Variants in GALNT2 observed in about 807,000 individuals in gnomAD.
GALNT2 encodes the protein polypeptide N-acetylgalactosaminyltransferase 2.
GALNT2 carries 31 observed loss-of-function variants against 81.4 expected under a neutral mutation model. That is an observed-to-expected ratio of 0.38 (90% confidence interval 0.29 to 0.51). GALNT2 has a LOEUF of 0.51. GALNT2 is among the 20% of genes least tolerant of loss of function. The probability of loss-of-function intolerance (pLI) is 0.87; values close to 1 mark genes in which losing one functional copy is unlikely to be tolerated. For missense variants in GALNT2, 629 were observed against 765.7 expected (o/e 0.82, Z 2.11); for synonymous variants, 303 against 287.4 (o/e 1.05, Z -0.55).
intron 6 of GALNT2, among the ~76,000 whole-genome samples, chr1:230,242,877 C>T (rs1445304280): frequency 6.6e-6 from 1 of 152,178 alleles, no homozygotes; most frequent in Non-Finnish European, 1.5e-5. Context: ...CAGAGATAGT[C>T]ACAACACTGT....
intron 8 of GALNT2, among the ~76,000 whole-genome samples, chr1:230,247,643 G>A (rs1297496341): frequency 1.3e-5 from 2 of 152,156 alleles, no homozygotes; most frequent in Non-Finnish European, 2.9e-5. Context: ...GATCTACCAG[G>A]CTCTATTTCT....
intron 1 of GALNT2, among the ~76,000 whole-genome samples, chr1:230,073,901 T>C (rs1300716154): frequency 6.6e-6 from 1 of 151,984 alleles, no homozygotes. Context: ...GCTGACCACC[T>C]CCTCCTGCCC....
At position 230,067,344 on chromosome 1, in the gene GALNT2, T is replaced by C. The variant is rs1388115514; in HGVS notation, c.64T>C (p.Tyr22His). ...CCTGTGGGTGCTGGGCATCGCCTAC[T>C]ACATGTACTCGGGGGGCGGCTCTGC... ...AFLWVLGIAY[Y>H]MYSGGGSALA... Residue 22 changes from tyrosine to histidine, a missense_variant, in exon 1 of 16, where the codon TAC (tyrosine) becomes CAC (histidine). Physicochemically the swap from Tyr to His is moderately conservative, Grantham distance 83. Around this residue, in one of 3 missense-constraint regions of GALNT2, gnomAD observed 62 missense variants for 47.3 expected, o/e 1.31. Transcript: ENST00000366672. 4.4e-6 allele frequency: 6 copies of C among 1,378,686 alleles called. No homozygotes were observed. Among genetic ancestry groups the C allele is most frequent in the Non-Finnish European group, 5.7e-6 (6 of 1,053,282 alleles). 85.4% of individuals were successfully genotyped at this position (1,378,686 alleles called of 1,614,324 possible).
intron 1 of GALNT2, among the ~76,000 whole-genome samples, chr1:230,130,120 A>C (rs954762681): frequency 2.6e-5 from 4 of 152,184 alleles, no homozygotes; most frequent in Non-Finnish European, 2.9e-5. Context: ...TCACTGTGGA[A>C]CTTTGTAGTC....
intron 1 of GALNT2, among the ~76,000 whole-genome samples, chr1:230,166,568 A>T (rs969596033): frequency 2.6e-5 from 4 of 152,080 alleles, no homozygotes; most frequent in African/African-American, 9.7e-5. Flanking sequence ...AGGACAGTGG[A>T]CTCCGGGGAT....
Position 230,262,491 on chromosome 1 carries a change from CACACGCCAGCAG to C in GALNT2, c.1137-78_1137-67del. On this transcript the variant is annotated intron_variant, in intron 11 of 15. Coordinates refer to ENST00000366672, the MANE Select transcript of GALNT2 (RefSeq NM_004481.5). ...CACACCCAGAGGGAGCCGCCTCAGT[CACACGCCAGCAG>C]ACAGGTGCAAATGGAGTGATGCAGA... 3.3e-6 allele frequency: 4 copies of C among 1,229,586 alleles called. No individual in the cohort carries two copies. In the South Asian group the frequency reaches 5.1e-5, roughly 16 times the overall value. The allele number at this position is 1,229,586 out of a possible 1,614,324, so 76.2% of individuals were successfully genotyped here.
intron 11 of GALNT2, 129 bp from the exon 12 acceptor site, chr1:230,262,444 G>C (rs1022350746): frequency 2.7e-6 from 2 of 747,044 alleles, no homozygotes; most frequent in East Asian, 5.1e-5. Flanking sequence ...GCTGTGTGCC[G>C]TGATCCCAGC....
chr1:230,190,160 C>G (rs1663470023), intron 2 of GALNT2, among the ~76,000 whole-genome samples: 1 of 152,168 alleles, frequency 6.6e-6, no homozygotes, highest in Non-Finnish European at 1.5e-5. Flanking sequence ...AAAAAGCAAG[C>G]AATGTGTGTA....
chr1:230,163,016 T>C (rs1662483180), intron 1 of GALNT2, among the ~76,000 whole-genome samples: 1 of 152,214 alleles, frequency 6.6e-6, no homozygotes, highest in Non-Finnish European at 1.5e-5. Context: ...TTAATCTGAC[T>C]TTTTCGAGTT....
chr1:230,067,349 G>C lies in GALNT2; in HGVS notation c.69G>C (p.Met23Ile), dbSNP rs1332085920. 2 of 1,374,508 alleles carry C rather than the reference G, an allele frequency of 1.5e-6. No individual in the cohort carries two copies. The highest frequency in any genetic ancestry group is 1.9e-6 in the Non-Finnish European group (2 of 1,051,464). 85.1% of individuals were successfully genotyped at this position (1,374,508 alleles called of 1,614,324 possible). Reference protein sequence around the residue: ...FLWVLGIAYYMYSGGGSALAG... With the variant: ...FLWVLGIAYYIYSGGGSALAG... ...GGGTGCTGGGCATCGCCTACTACAT[G>C]TACTCGGGGGGCGGCTCTGCGCTGG... Residue 23 changes from methionine to isoleucine, a missense_variant, in exon 1 of 16, where the codon ATG becomes ATC. Transcript: ENST00000366672.
intron 1 of GALNT2, among the ~76,000 whole-genome samples, chr1:230,078,541 A>G (rs1659634051): frequency 6.6e-6 from 1 of 152,236 alleles, no homozygotes; most frequent in Non-Finnish European, 1.5e-5. Flanking sequence ...GATATTCCAC[A>G]GTGATTCTTT....
At position 230,243,542 on chromosome 1, in the gene GALNT2, G is replaced by A; in HGVS notation, c.729+115G>A. On this transcript the variant is annotated intron_variant, in intron 7 of 15. Transcript: ENST00000366672. This position sits in a 1 kb window ranked among gnomAD's most constrained non-coding sequence, Gnocchi z 4.2. ...AGGGAGTAGGGCGTCAGGGCTGGTA[G>A]GGGCTGAGCTCGCCGTCTGCAGTTT... 1 of 1,321,272 alleles carries A rather than the reference G, an allele frequency of 7.6e-7. No individual in the cohort carries two copies. Among genetic ancestry groups the A allele is most frequent in the Non-Finnish European group, 1.0e-6 (1 of 992,306 alleles). The allele number at this position is 1,321,272 out of a possible 1,614,324, so 81.8% of individuals were successfully genotyped here. A position where few individuals can be genotyped will look rare whatever the true frequency, so the allele number is the denominator to read the frequency against.
intron 1 of GALNT2, among the ~76,000 whole-genome samples, chr1:230,167,200 C>T (rs1010994269): frequency 2.3e-4 from 35 of 151,494 alleles, no homozygotes; most frequent in Non-Finnish European, 8.8e-5. Flanking sequence ...GGCTGGAGTG[C>T]GATGATGCGA....
At chr1:230,247,737 A>G (rs994192208) in intron 8 of GALNT2, among the ~76,000 whole-genome samples, 6 of 152,118 alleles carry the variant, frequency 3.9e-5, no homozygotes, top group African/African-American at 1.4e-4. Flanking sequence ...GGTCAGAGGA[A>G]CGGGGCCACG....
chr1:230,164,282 T>C (rs1572037924), intron 1 of GALNT2, among the ~76,000 whole-genome samples: 1 of 152,304 alleles, frequency 6.6e-6, no homozygotes. Context: ...GGCCGGTGCT[T>C]TGCTTTCTCT....
At chr1:230,204,142 ACCT>A (rs1473199658) in intron 3 of GALNT2, among the ~76,000 whole-genome samples, 2 of 141,990 alleles carry the variant, frequency 1.4e-5, no homozygotes, top group African/African-American at 2.7e-5. Context: ...TGCTCTCCTG[ACCT>A]CCTTCTTTTT....
At chr1:230,109,092 T>C (rs1426405622) in intron 1 of GALNT2, among the ~76,000 whole-genome samples, 1 of 152,232 alleles carries the variant, frequency 6.6e-6, no homozygotes, top group African/African-American at 2.4e-5. Context: ...TTAAACACTT[T>C]GCTGGCAGCA....
chr1:230,112,225 C>T (rs1660724372), intron 1 of GALNT2, among the ~76,000 whole-genome samples: 1 of 152,232 alleles, frequency 6.6e-6, no homozygotes, highest in African/African-American at 2.4e-5. Flanking sequence ...ACCTGTGGGT[C>T]TAATCTCCTA....
chr1:230,245,008 C>CT (rs1262402794), intron 7 of GALNT2, among the ~76,000 whole-genome samples: 8 of 152,192 alleles, frequency 5.3e-5, no homozygotes, highest in Non-Finnish European at 7.3e-5. Flanking sequence ...CTTTGGTTAA[C>CT]TGTCAGCATG....
Sources: gnomAD v4.1 joint callset for allele counts (sites outside exome capture counted in the v4.1 genomes callset) on GRCh38, gnomAD v4.1.1 for gene constraint, gnomAD v4.1.1 regional missense constraint, Gnocchi (gnomAD v3.1) non-coding constraint, MANE v1.5 for transcripts, NCBI Gene and HGNC (gene_info 2026-07-23, HGNC 2026-07-21) for gene names.